Variants in DACH1 observed in about 807,000 individuals in gnomAD.
The protein encoded by DACH1 is dachshund homolog 1.
In DACH1, 12 loss-of-function variants were observed where a neutral mutation model predicts 54.2. That is an observed-to-expected ratio of 0.22 (90% CI 0.14 to 0.36). DACH1 has a LOEUF of 0.36. DACH1 is among the 10% of genes least tolerant of loss of function. DACH1 has a pLI of 1.00. For synonymous variants in DACH1, 386 were observed against 366.2 expected (o/e 1.05, Z -0.62); for missense variants, 805 against 929.8 (o/e 0.87, Z 1.75).
intron 10 of DACH1, among the ~76,000 whole-genome samples, chr13:71,458,229 A>C (rs903741045): frequency 6.6e-6 from 1 of 151,892 alleles, no homozygotes; most frequent in African/African-American, 2.4e-5. Flanking sequence ...TTTAACTTTA[A>C]TAAAGGTTAT....
At chr13:71,779,642 C>T (rs1886281301) in intron 1 of DACH1, among the ~76,000 whole-genome samples, 1 of 151,978 alleles carries the variant, frequency 6.6e-6, no homozygotes, top group African/African-American at 2.4e-5. Flanking sequence ...AAACAATAAC[C>T]ACACCAAACA....
chr13:71,849,478 G>A (rs1873519869), intron 1 of DACH1, among the ~76,000 whole-genome samples: 1 of 152,182 alleles, frequency 6.6e-6, no homozygotes, highest in South Asian at 2.1e-4. Flanking sequence ...ATGCACAATT[G>A]ATCTGATCAG....
At chr13:71,842,624 T>A (rs141925292) in intron 1 of DACH1, among the ~76,000 whole-genome samples, 1 of 151,102 alleles carries the variant, frequency 6.6e-6, no homozygotes, top group Non-Finnish European at 1.5e-5. Context: ...GATAGCAGAG[T>A]AATGTGACAA....
intron 6 of DACH1, among the ~76,000 whole-genome samples, chr13:71,554,176 A>G (rs1159292336): frequency 2.0e-5 from 3 of 152,064 alleles, no homozygotes; most frequent in Admixed American, 2.0e-4. Context: ...GTTTCTATCA[A>G]TTTAGAAAGC....
intron 6 of DACH1, among the ~76,000 whole-genome samples, chr13:71,499,108 C>G (rs1027732504): frequency 9.0e-6 from 1 of 111,634 alleles, no homozygotes; most frequent in African/African-American, 3.1e-5. Context: ...CATGCGAGCA[C>G]GCGCACACAC....
intron 3 of DACH1, among the ~76,000 whole-genome samples, chr13:71,586,060 T>C (rs983470899): frequency 2.6e-5 from 4 of 152,186 alleles, no homozygotes; most frequent in Non-Finnish European, 4.4e-5. Context: ...CTACTGGCTG[T>C]AGTTCCTTTT....
intron 1 of DACH1, among the ~76,000 whole-genome samples, chr13:71,819,431 T>C (rs562403545): frequency 6.6e-6 from 1 of 152,300 alleles, no homozygotes; most frequent in African/African-American, 2.4e-5. Flanking sequence ...ATATCCAGCA[T>C]GGAACTTAAT....
chr13:71,750,644 C>T (rs1036765314), intron 1 of DACH1, among the ~76,000 whole-genome samples: 4 of 152,122 alleles, frequency 2.6e-5, no homozygotes, highest in African/African-American at 9.7e-5. Flanking sequence ...GTCCTCACTA[C>T]CATGCATGGC....
chr13:71,525,814 C>T (rs1396067705), intron 6 of DACH1, among the ~76,000 whole-genome samples: 1 of 152,016 alleles, frequency 6.6e-6, no homozygotes, highest in Non-Finnish European at 1.5e-5. Flanking sequence ...AGATTGGAAA[C>T]TTGATTCAAA....
intron 1 of DACH1, among the ~76,000 whole-genome samples, chr13:71,715,614 T>C: frequency 6.6e-6 from 1 of 152,076 alleles, no homozygotes; most frequent in East Asian, 1.9e-4. Flanking sequence ...TTGATATCTA[T>C]TGAAATAGCT....
intron 6 of DACH1, among the ~76,000 whole-genome samples, chr13:71,544,779 C>A (rs1316007853): frequency 6.6e-6 from 1 of 151,976 alleles, no homozygotes; most frequent in African/African-American, 2.4e-5. Context: ...AACTTGCAAC[C>A]TGGTGAATTA....
intron 8 of DACH1, among the ~76,000 whole-genome samples, chr13:71,477,911 A>G (rs1877716835): frequency 6.6e-6 from 1 of 152,196 alleles, no homozygotes; most frequent in African/African-American, 2.4e-5. Flanking sequence ...TGGGAACTTT[A>G]CGGTGTGATC....
intron 1 of DACH1, among the ~76,000 whole-genome samples, chr13:71,775,127 CTTTTTTTTTTTTT>C (rs767902341): frequency 1.5e-4 from 8 of 54,026 alleles, no homozygotes; most frequent in South Asian, 1.0e-3. Context: ...TCAACACAAG[CTTTTTTTTTTTTT>C]TTTTTTTTTT....
At chr13:71,732,611 A>G (rs1183278244) in intron 1 of DACH1, among the ~76,000 whole-genome samples, 1 of 151,242 alleles carries the variant, frequency 6.6e-6, no homozygotes, top group African/African-American at 2.4e-5. Context: ...AAAGTCACCA[A>G]TTGGGTCCCT....
At chr13:71,860,840 T>C (rs1874303008) in intron 1 of DACH1, among the ~76,000 whole-genome samples, 1 of 152,026 alleles carries the variant, frequency 6.6e-6, no homozygotes, top group Admixed American at 6.6e-5. Context: ...CAAATTGTTC[T>C]TAAAATAACA....
chr13:71,790,978 C>T (rs1886805937), intron 1 of DACH1, among the ~76,000 whole-genome samples: 1 of 152,126 alleles, frequency 6.6e-6, no homozygotes, highest in Non-Finnish European at 1.5e-5. Flanking sequence ...CCAAACAAAA[C>T]TCAAATTATT....
intron 1 of DACH1, among the ~76,000 whole-genome samples, chr13:71,697,521 T>G (rs1332604277): frequency 6.6e-6 from 1 of 152,194 alleles, no homozygotes; most frequent in Non-Finnish European, 1.5e-5. Flanking sequence ...CATCCATAAA[T>G]TTTTCAACTT....
intron 6 of DACH1, among the ~76,000 whole-genome samples, chr13:71,499,676 G>A (rs1290272884): frequency 6.6e-6 from 1 of 151,992 alleles, no homozygotes; most frequent in Non-Finnish European, 1.5e-5. Flanking sequence ...GTTCTTTCTC[G>A]TTTTATAAGG....
At chr13:71,721,958 T>C (rs574366015) in intron 1 of DACH1, among the ~76,000 whole-genome samples, 1 of 152,244 alleles carries the variant, frequency 6.6e-6, no homozygotes, top group South Asian at 2.1e-4. Flanking sequence ...ATATTTATTA[T>C]AAGGATAGAA....
Sources: allele counts gnomAD v4.1 joint callset (sites outside exome capture counted in the v4.1 genomes callset), GRCh38; gene constraint gnomAD v4.1.1; transcripts MANE v1.5; gene names NCBI Gene and HGNC (gene_info 2026-07-23, HGNC 2026-07-21).